Variants in CFAP44 observed in about 807,000 individuals in gnomAD.
The protein encoded by CFAP44 is cilia- and flagella-associated protein 44.
A neutral mutation model predicts 216.2 loss-of-function variants in CFAP44; 134 were observed. The ratio of observed to expected loss-of-function variants is 0.62; its 90% CI spans 0.54 to 0.72. The LOEUF (loss-of-function observed/expected upper bound fraction) is 0.72. CFAP44 is among the 30% of genes least tolerant of loss of function. CFAP44 has a pLI of 0.00. For synonymous variants in CFAP44, 700 were observed against 727.6 expected, an observed-to-expected ratio of 0.96 and a Z score of 0.61; for missense variants, 2,035 against 2,182.1, an observed-to-expected ratio of 0.93 and a Z score of 1.34.
intron 1 of CFAP44, among the ~76,000 whole-genome samples, chr3:113,436,418 G>A (rs1044507541): frequency 2.6e-5 from 4 of 152,152 alleles, no homozygotes; most frequent in Admixed American, 6.5e-5. Flanking sequence ...TATTATGCTA[G>A]GCATTGCAGA....
At chr3:113,315,781 T>C (rs1950080527) in intron 28 of CFAP44, among the ~76,000 whole-genome samples, 1 of 152,246 alleles carries the variant, frequency 6.6e-6, no homozygotes, top group South Asian at 2.1e-4. Flanking sequence ...TTATATGAGA[T>C]ATTCAATAGC....
At chr3:113,383,524 G>A (rs577805901) in intron 15 of CFAP44, among the ~76,000 whole-genome samples, 6 of 152,118 alleles carry the variant, frequency 3.9e-5, no homozygotes, top group Non-Finnish European at 8.8e-5. Flanking sequence ...GTCAGGAGGA[G>A]CATAAACATT....
chr3:113,400,111 G>T, intron 12 of CFAP44, 111 bp from the exon 13 acceptor site: 1 of 633,750 alleles, frequency 1.6e-6, no homozygotes, highest in Non-Finnish European at 2.5e-6. Flanking sequence ...AACTAAATCA[G>T]TCAATAACTT....
At chr3:113,331,397 G>A (rs534477292) in intron 25 of CFAP44, among the ~76,000 whole-genome samples, 1 of 152,080 alleles carries the variant, frequency 6.6e-6, no homozygotes, top group African/African-American at 2.4e-5. Context: ...CTTCCTGTGT[G>A]CAGTTAGGCT....
At chr3:113,294,603 G>T in intron 34 of CFAP44, 84 bp downstream of exon 34, 2 of 1,430,080 alleles carry the variant, frequency 1.4e-6, no homozygotes, top group African/African-American at 1.4e-5. Context: ...TTGTTTAAAT[G>T]CCAGTACTTA....
At chr3:113,302,456 G>GAAAAAAA (rs1949944461) in intron 32 of CFAP44, among the ~76,000 whole-genome samples, 2 of 60,358 alleles carry the variant, frequency 3.3e-5, no homozygotes, top group African/African-American at 9.2e-5. Context: ...ACTAGACAAA[G>GAAAAAAA]TAAAAAAAAA....
chr3:113,294,808 T>G lies in CFAP44; in HGVS notation c.5252A>C (p.Gln1751Pro). Residue 1751 changes from glutamine to proline, a missense_variant, in exon 34 of 35, where the codon CAA becomes CCA. Physicochemically the swap from Gln to Pro is moderately conservative, Grantham distance 76 (BLOSUM62 -1). Transcript: ENST00000393845. ...CTTCATCATCAGTTCCCATCGCATT[T>G]GAGCAATCTTTTCCTACCAGGGTGG... ...EMKMWEEKIA[Q>P]MRWELMMKTK... 6 of 1,531,434 alleles carry G rather than the reference T, an allele frequency of 3.9e-6. No homozygotes were observed. The highest frequency in any genetic ancestry group is 5.2e-6 in the Non-Finnish European group (6 of 1,145,112). The allele number at this position is 1,531,434 out of a possible 1,614,324, so 94.9% of individuals were successfully genotyped here.
intron 28 of CFAP44, among the ~76,000 whole-genome samples, chr3:113,320,160 C>T (rs1950128616): frequency 1.3e-5 from 2 of 151,882 alleles, no homozygotes; most frequent in Admixed American, 1.3e-4. Context: ...TTCTACCAGA[C>T]ATACAAAGAA....
chr3:113,294,946 C>A, intron 33 of CFAP44, 125 bp from the exon 34 acceptor site: 1 of 1,167,144 alleles, frequency 8.6e-7, no homozygotes, highest in Non-Finnish European at 1.2e-6. Context: ...AAAATATAAT[C>A]AGAAGCCAAT....
Position 113,308,219 on chromosome 3 carries a change from C to T in CFAP44, c.4566G>A (p.Glu1522=). 6.5e-7 allele frequency: 1 copy of T among 1,536,624 alleles called. No homozygotes were observed. Among genetic ancestry groups the T allele is most frequent in the East Asian group, 2.4e-5 (1 of 40,866 alleles). ...EESSEEESSL[E]SDEDESESED... ...CTGATTCAGACTCATCTTCATCACT[C>T]TCCAAGCTAGATTCTTCTTCACTTG... Residue 1522 remains glutamate (E), a synonymous_variant, in exon 29 of 35, where the codon GAG becomes GAA. Coordinates refer to ENST00000393845, the MANE Select transcript of CFAP44 (RefSeq NM_001164496.2).
At chr3:113,396,412 G>C in intron 14 of CFAP44, 106 bp downstream of exon 14, 6 of 1,233,154 alleles carry the variant, frequency 4.9e-6, no homozygotes, top group Non-Finnish European at 6.7e-6. Context: ...TGAATATATT[G>C]ATAGAAAATG....
At chr3:113,420,837 T>C (rs992886313) in intron 4 of CFAP44, among the ~76,000 whole-genome samples, 1 of 152,202 alleles carries the variant, frequency 6.6e-6, no homozygotes, top group Non-Finnish European at 1.5e-5. Context: ...TGAAAATTGA[T>C]TTATAGCATA....
intron 22 of CFAP44, among the ~76,000 whole-genome samples, chr3:113,354,056 T>G (rs1468240675): frequency 6.7e-6 from 1 of 149,606 alleles, no homozygotes; most frequent in Non-Finnish European, 1.5e-5. Flanking sequence ...TGCTCTGATC[T>G]CACCTAACAA....
intron 15 of CFAP44, among the ~76,000 whole-genome samples, chr3:113,395,254 A>C (rs1347950614): frequency 6.6e-6 from 1 of 152,246 alleles, no homozygotes; most frequent in African/African-American, 2.4e-5. Context: ...AAAAGAGATT[A>C]GTAATCAATA....
In CFAP44 at chr3:113,399,818, T is replaced by C. The variant is rs1934093568; in HGVS notation, c.1569+88A>G. ...TTTTATTATTCCTTAAAATTTTGAGTCAGCAAATATCTATATTTCCAGAAA... is the reference window on the plus strand; with the variant it reads ...TTTTATTATTCCTTAAAATTTTGAGCCAGCAAATATCTATATTTCCAGAAA... On this transcript the variant is annotated intron_variant, in intron 13 of 34. Transcript: ENST00000393845. The C allele has an allele frequency of 5.9e-6, 5 of 852,228 alleles. No homozygotes were observed. In the South Asian group the frequency reaches 1.6e-4, roughly 27 times the overall value. The allele number at this position is 852,228 out of a possible 1,614,324, so 52.8% of individuals were successfully genotyped here. A position where few individuals can be genotyped will look rare whatever the true frequency, so the allele number is the denominator to read the frequency against.
chr3:113,429,711 C>T (rs1935053906), intron 2 of CFAP44, among the ~76,000 whole-genome samples: 2 of 151,980 alleles, frequency 1.3e-5, no homozygotes. Flanking sequence ...TCTCCTCCTA[C>T]CTGTCCTTTT....
At position 113,339,546 on chromosome 3, in the gene CFAP44, C is replaced by T. The variant is rs183098632; in HGVS notation, c.3437+2198G>A. 1.9e-3 allele frequency among the ~76,000 whole-genome samples: 290 copies of T among 152,262 alleles called. 2 individuals are homozygous for T. The highest frequency in any genetic ancestry group is 5.7e-3 in the African/African-American group (237 of 41,538). On this transcript the variant is annotated intron_variant, in intron 24 of 34. Transcript: ENST00000393845. ...CTGTCGGAAAACTGAGTACCTTGGG[C>T]CTGTTTATGCCATGAAGCATGGTCT...
chr3:113,401,526 T>C, intron 10 of CFAP44, 58 bp downstream of exon 10: 1 of 1,587,204 alleles, frequency 6.3e-7, no homozygotes, highest in Non-Finnish European at 8.6e-7. Context: ...ATCATACTAC[T>C]ACTTTAATTT....
At chr3:113,308,078 G>C (rs1236475937) in intron 29 of CFAP44, 80 bp downstream of exon 29, 2 of 1,118,934 alleles carry the variant, frequency 1.8e-6, no homozygotes, top group Non-Finnish European at 2.5e-6. Context: ...TCAGAGCACA[G>C]AGAAACCAAA....
Sources: gnomAD v4.1 joint callset for allele counts (sites outside exome capture counted in the v4.1 genomes callset) on GRCh38, gnomAD v4.1.1 for gene constraint, MANE v1.5 for transcripts, NCBI Gene and HGNC (gene_info 2026-07-23, HGNC 2026-07-21) for gene names.